Variants in KLC4 observed in about 807,000 individuals in gnomAD.
KLC4 encodes the protein kinesin light chain 4.
KLC4 carries 49 observed loss-of-function variants against 77.2 expected under a neutral mutation model. That is an observed-to-expected ratio of 0.63 (90% CI 0.50 to 0.80). The LOEUF (loss-of-function observed/expected upper bound fraction) is 0.80. KLC4 is among the 30% of genes least tolerant of loss of function. The pLI is 0.00. For missense variants in KLC4, 669 were observed against 793.5 expected, an observed-to-expected ratio of 0.84 and a Z score of 1.89; for synonymous variants, 274 against 314.5, an observed-to-expected ratio of 0.87 and a Z score of 1.36.
rs879055512 is a variant in KLC4 at position 43,070,605 on chromosome 6, CAT to C, written c.982-86_982-85del. 198 of 1,482,566 alleles carry C rather than the reference CAT, an allele frequency of 1.3e-4. 2 individuals carry two copies. The South Asian group carries it at 1.6e-3, about 12-fold the overall frequency. The allele number at this position is 1,482,566 out of a possible 1,614,324, so 91.8% of individuals were successfully genotyped here. A position where few individuals can be genotyped will look rare whatever the true frequency, so the allele number is the denominator to read the frequency against. ...TTCATTCCCTTTCCTCTGCTTTCCA[CAT>C]GTGTGTGCCTACATGCAAACACACG... On this transcript the variant is annotated intron_variant, in intron 7 of 15. Transcript: ENST00000347162.
intron 12 of KLC4, 151 bp downstream of exon 12, chr6:43,072,406 G>C: frequency 1.6e-6 from 1 of 637,382 alleles, no homozygotes; most frequent in Admixed American, 2.8e-5. Flanking sequence ...GATTGTGGTT[G>C]TTTTTAAGCA....
intron 6 of KLC4, among the ~76,000 whole-genome samples, chr6:43,070,106 A>G (rs1246733961): frequency 1.4e-5 from 2 of 141,100 alleles, no homozygotes; most frequent in Admixed American, 6.8e-5. Flanking sequence ...AAAAAAAAAA[A>G]AAAAAGAAAG....
At chr6:43,064,833 G>A (rs557586787) in intron 3 of KLC4, among the ~76,000 whole-genome samples, 4 of 152,268 alleles carry the variant, frequency 2.6e-5, no homozygotes, top group Admixed American at 6.5e-5. Context: ...TTCCTAGTGC[G>A]GAATAGGTTA....
In KLC4 at chr6:43,070,615, C is replaced by T. The variant is rs541307003; in HGVS notation, c.982-77C>T. Reference sequence around the variant, plus strand: ...TTCCTCTGCTTTCCACATGTGTGTGCCTACATGCAAACACACGTGTGCTTG... The same window carrying T: ...TTCCTCTGCTTTCCACATGTGTGTGTCTACATGCAAACACACGTGTGCTTG... On this transcript the variant is annotated intron_variant, in intron 7 of 15. Coordinates refer to ENST00000347162, the MANE Select transcript of KLC4 (RefSeq NM_201521.3). 1.8e-4 allele frequency: 273 copies of T among 1,505,644 alleles called. No individual in the cohort carries two copies. In the African/African-American group the frequency reaches 3.2e-3, roughly 18 times the overall value. 93.3% of individuals were successfully genotyped at this position (1,505,644 alleles called of 1,614,324 possible).
chr6:43,060,098 C>T (rs978893353), intron 1 of KLC4: 1 of 1,548,358 alleles, frequency 6.5e-7, no homozygotes, highest in African/African-American at 1.4e-5. Flanking sequence ...TGCGACCCGG[C>T]AGCCGTTCAG....
intron 2 of KLC4, chr6:43,062,488 C>T (rs1765211719): frequency 5.8e-6 from 1 of 172,140 alleles, no homozygotes; most frequent in African/African-American, 2.4e-5. Context: ...TCTTGATCCA[C>T]CCGCCTTGGC....
At position 43,071,331 on chromosome 6, in the gene KLC4, G is replaced by A. The variant is rs1765712209; in HGVS notation, c.1212G>A (p.Glu404=). The change falls in exon 9 of 16, where the codon GAG becomes GAA. Residue 404 remains glutamate (E), a synonymous_variant. Transcript: ENST00000347162. Reference sequence around the variant, plus strand: ...CTGAGGCTGAGACACTATACAAAGAGATCCTGACCCGTGCCCATGTACAGG... The same window carrying A: ...CTGAGGCTGAGACACTATACAAAGAAATCCTGACCCGTGCCCATGTACAGG... The part of the protein sequence containing the change: ...KYAEAETLYK[E]ILTRAHVQEF... 1 of 1,613,890 alleles carries A rather than the reference G, an allele frequency of 6.2e-7. No individual in the cohort carries two copies. Among genetic ancestry groups the A allele is most frequent in the Non-Finnish European group, 8.5e-7 (1 of 1,179,974 alleles).
intron 12 of KLC4, 133 bp downstream of exon 12, chr6:43,072,388 A>G (rs9472003): frequency 0.076 from 51,079 of 672,842 alleles, 3,137 homozygotes; most frequent in African/African-American, 0.19. Flanking sequence ...AAAGTGAGGC[A>G]GTGTTGTGAT....
Position 43,061,557 on chromosome 6 carries a change from T to C in KLC4, c.222T>C (p.Ser74=), listed in dbSNP as rs951588014. 9 of 1,613,366 alleles carry C rather than the reference T, an allele frequency of 5.6e-6. No homozygotes were observed. The highest frequency in any genetic ancestry group is 7.6e-6 in the Non-Finnish European group (9 of 1,179,442). Residue 74 remains serine (S), a synonymous_variant, in exon 2 of 16, where the codon TCT becomes TCC. Transcript: ENST00000347162. ...AGAAGGCCCGGCAGCTTCGCCGTTC[T>C]ATGGAAAACATTGAGCTCGGGCTGA... ...VHEKARQLRR[S]MENIELGLSE...
At position 43,072,864 on chromosome 6, in the gene KLC4, T is replaced by C. The variant is rs1765797430; in HGVS notation, c.1529T>C (p.Leu510Pro). 3 of 1,613,766 alleles carry C rather than the reference T, an allele frequency of 1.9e-6. No individual in the cohort carries two copies. The highest frequency in any genetic ancestry group is 2.5e-6 in the Non-Finnish European group (3 of 1,179,850). ...AGCCAGACGAAGGTGGCAGAGCTGC[T>C]TGGGGAGAGTGATGGTAGAAGGACC... is the stretch of plus-strand genomic sequence containing the variant. Reference protein sequence around the residue: ...PISQTKVAELLGESDGRRTSQ... With the variant: ...PISQTKVAELPGESDGRRTSQ... Residue 510 changes from leucine to proline, a missense_variant, in exon 13 of 16, where the codon CTT becomes CCT. By Grantham distance (98) the Leu-to-Pro change is moderately conservative. Transcript: ENST00000347162.
At position 43,065,635 on chromosome 6, in the gene KLC4, G is replaced by A. The variant is rs750400553; in HGVS notation, c.505G>A (p.Asp169Asn). 9 of 1,613,572 alleles carry A rather than the reference G, an allele frequency of 5.6e-6. No individual in the cohort carries two copies. The highest frequency in any genetic ancestry group is 1.7e-4 in the Middle Eastern group (1 of 6,060). Residue 169 changes from aspartate (D) to asparagine (N), a missense_variant, in exon 4 of 16, where the codon GAT becomes AAT. Physicochemically the swap from Asp to Asn is conservative, Grantham distance 23 (BLOSUM62 1). Coordinates refer to ENST00000347162, the MANE Select transcript of KLC4 (RefSeq NM_201521.3). ...DGHTSEEKEG[D>N]ATKDSLDDLF... is the part of the protein sequence containing the mutation. ...TCCCTTCCAGGAGGAGAAAGAAGGCGATGCCACCAAGGATTCCCTGGATGA... is the reference window on the plus strand; with the variant it reads ...TCCCTTCCAGGAGGAGAAAGAAGGCAATGCCACCAAGGATTCCCTGGATGA...
At chr6:43,071,539 A>AC (rs1449033462) in intron 9 of KLC4, 28 bp from the exon 10 acceptor site, 2 of 1,607,502 alleles carry the variant, frequency 1.2e-6, no homozygotes, top group African/African-American at 2.7e-5. Context: ...CCCATCTCTA[A>AC]CCTCCCCACC....
At chr6:43,060,070 T>A in intron 1 of KLC4, 1 of 1,492,260 alleles carries the variant, frequency 6.7e-7, no homozygotes, top group Non-Finnish European at 9.0e-7. Flanking sequence ...GGAGACCCAC[T>A]CCAGCGCCGC....
intron 6 of KLC4, 151 bp downstream of exon 6, chr6:43,067,234 C>T (rs1765481467): frequency 1.5e-6 from 2 of 1,368,588 alleles, no homozygotes; most frequent in East Asian, 2.7e-5. Flanking sequence ...CAGGCACTGT[C>T]CAGTGATCCT....
rs1765244064 is a variant in KLC4 at position 43,063,067 on chromosome 6, G to A, written c.409G>A (p.Val137Met). ...GCGGCTACAGCGCAGTGAACAGGCT[G>A]TGGCTCAGCTGGAGGAGGAAAAGAA... ...QQRLQRSEQA[V>M]AQLEEEKKHL... Residue 137 changes from valine to methionine, a missense_variant, in exon 3 of 16, where the codon GTG (valine) becomes ATG (methionine). Coordinates refer to ENST00000347162, the MANE Select transcript of KLC4 (RefSeq NM_201521.3). 1.2e-6 allele frequency: 2 copies of A among 1,614,156 alleles called. No individual in the cohort carries two copies. The highest frequency in any genetic ancestry group is 1.7e-5 in the Admixed American group (1 of 60,014).
chr6:43,071,400 G>C, intron 9 of KLC4, 26 bp downstream of exon 9: 1 of 1,585,776 alleles, frequency 6.3e-7, no homozygotes, highest in Non-Finnish European at 8.7e-7. Flanking sequence ...CTGGGGAAGG[G>C]GCTGTGGGGA....
intron 2 of KLC4, among the ~76,000 whole-genome samples, chr6:43,062,110 G>A (rs1480341638): frequency 1.3e-5 from 2 of 152,240 alleles, no homozygotes; most frequent in Admixed American, 6.5e-5. Context: ...GGTGAGGTCA[G>A]TGAACAGCAA....
At chr6:43,070,967 G>T (rs1765693214) in intron 8 of KLC4, 102 bp downstream of exon 8, 1 of 1,111,154 alleles carries the variant, frequency 9.0e-7, no homozygotes, top group Admixed American at 2.3e-5. Flanking sequence ...CTAGAGTCAG[G>T]AAGCATCACA....
chr6:43,068,606 G>A (rs1413450610), intron 6 of KLC4, among the ~76,000 whole-genome samples: 3 of 147,274 alleles, frequency 2.0e-5, no homozygotes, highest in Non-Finnish European at 4.5e-5. Context: ...TCAGGAGTTT[G>A]AGACCATCCT....
Sources: gnomAD v4.1 joint callset for allele counts (sites outside exome capture counted in the v4.1 genomes callset) on GRCh38, gnomAD v4.1.1 for gene constraint, MANE v1.5 for transcripts, NCBI Gene and HGNC (gene_info 2026-07-23, HGNC 2026-07-21) for gene names.